DPF3: variants seen among roughly 807,000 people sequenced by gnomAD.
DPF3 encodes the protein double PHD fingers 3, also known as zinc finger protein DPF3.
Under a neutral mutation model 56.8 loss-of-function variants are expected in DPF3, and 18 were observed. The ratio of observed to expected loss-of-function variants is 0.32; its 90% CI spans 0.22 to 0.47. The LOEUF is 0.47. Ranked by LOEUF, DPF3 falls within the 20% of genes least tolerant of loss-of-function variation. The pLI, the probability that DPF3 is intolerant of heterozygous loss-of-function variation, is 1.00. For missense variants in DPF3, 403 were observed against 488.8 expected, an observed-to-expected ratio of 0.82 and a Z score of 1.65; for synonymous variants, 188 against 180.2, an observed-to-expected ratio of 1.04 and a Z score of -0.35.
intron 1 of DPF3, among the ~76,000 whole-genome samples, chr14:72,889,546 A>C (rs1235516964): frequency 6.6e-6 from 1 of 152,032 alleles, no homozygotes; most frequent in Non-Finnish European, 1.5e-5. Context: ...CATCCCCCCA[A>C]CCTCGACAGA....
rs1378757936 is a variant in DPF3 at position 72,847,598 on chromosome 14, G to A, written c.32+46459C>T. On this transcript the variant is annotated intron_variant, in intron 1 of 10. Coordinates refer to ENST00000556509, the MANE Select transcript of DPF3 (RefSeq NM_001280542.3). ...TCAATCTGGGCTCACTACAACCTCC[G>A]CCTCCCAGGTTTAAGTGATTCTCCC... Among the ~76,000 whole-genome samples, 7 of 151,746 alleles carry A rather than the reference G, an allele frequency of 4.6e-5. No homozygotes were observed. In the East Asian group the frequency reaches 5.8e-4, roughly 13 times the overall value.
chr14:72,617,981 G>T lies in DPF3; in HGVS notation c.*1316C>A, dbSNP rs1291628901. On this transcript the variant is annotated 3_prime_UTR_variant, in exon 11 of 11. Transcript: ENST00000556509. The stretch of plus-strand genomic sequence containing the variant: ...CTGCGATTCAAAGTCAGCCCAATCC[G>T]CTCCAGCCCTCGGGGCTATCTTCCA... Among the ~76,000 whole-genome samples the T allele has an allele frequency of 1.3e-5, 2 of 151,974 alleles. No homozygotes were observed. The highest frequency in any genetic ancestry group is 3.9e-4 in the East Asian group (2 of 5,140).
chr14:72,706,754 C>T (rs545422541), intron 6 of DPF3, among the ~76,000 whole-genome samples: 12 of 152,162 alleles, frequency 7.9e-5, no homozygotes, highest in African/African-American at 2.7e-4. Flanking sequence ...TGCAGCCTCA[C>T]AACTGTACTT....
chr14:72,893,043 G>A (rs1203521092), intron 1 of DPF3, among the ~76,000 whole-genome samples: 1 of 152,064 alleles, frequency 6.6e-6, no homozygotes, highest in Non-Finnish European at 1.5e-5. Context: ...GAGGAGGAAG[G>A]CAGGCAGGCA....
chr14:72,611,101 C>T lies in DPF3; in HGVS notation c.*8196G>A, dbSNP rs561565102. Among the ~76,000 whole-genome samples the T allele has an allele frequency of 2.0e-5, 3 of 152,202 alleles. No homozygotes were observed. The highest frequency in any genetic ancestry group is 4.8e-5 in the African/African-American group (2 of 41,454). ...TGTGCCATCCAGGGCCCCAGAGGAG[C>T]CTTCCCTTGGGCCACCCCCCACAGA... On this transcript the variant is annotated 3_prime_UTR_variant, in exon 11 of 11. Coordinates refer to ENST00000556509, the MANE Select transcript of DPF3 (RefSeq NM_001280542.3).
intron 1 of DPF3, among the ~76,000 whole-genome samples, chr14:72,834,001 G>A (rs915774159): frequency 4.6e-5 from 7 of 151,968 alleles, no homozygotes; most frequent in Non-Finnish European, 8.8e-5. Flanking sequence ...GGCTAACATG[G>A]TGAAACTCCT....
chr14:72,786,114 T>A (rs917555246), intron 1 of DPF3, among the ~76,000 whole-genome samples: 1 of 151,948 alleles, frequency 6.6e-6, no homozygotes, highest in African/African-American at 2.4e-5. Flanking sequence ...ATACAAAAAA[T>A]TAGCCAGGCA....
intron 1 of DPF3, among the ~76,000 whole-genome samples, chr14:72,801,613 G>A (rs1015662819): frequency 1.3e-5 from 2 of 152,184 alleles, no homozygotes; most frequent in Admixed American, 6.5e-5. Context: ...AAAGTTCTGA[G>A]TGGAAGAATT....
intron 1 of DPF3, among the ~76,000 whole-genome samples, chr14:72,828,996 C>T (rs531863689): frequency 2.6e-5 from 4 of 152,222 alleles, no homozygotes; most frequent in African/African-American, 9.6e-5. Flanking sequence ...CTTGAGGGGC[C>T]CTCGTCCAAT....
At chr14:72,892,247 G>A (rs1392345171) in intron 1 of DPF3, 2 of 1,535,538 alleles carry the variant, frequency 1.3e-6, no homozygotes, top group Non-Finnish European at 1.7e-6. Context: ...AAAATCAGTT[G>A]TGGGTTCGGT....
chr14:72,708,588 C>A (rs559023137), intron 6 of DPF3, among the ~76,000 whole-genome samples: 1 of 152,258 alleles, frequency 6.6e-6, no homozygotes, highest in Non-Finnish European at 1.5e-5. Context: ...TTAATGCCCT[C>A]AAAAAAATTT....
At chr14:72,867,566 AG>A (rs1489538168) in intron 1 of DPF3, among the ~76,000 whole-genome samples, 1 of 152,116 alleles carries the variant, frequency 6.6e-6, no homozygotes, top group Non-Finnish European at 1.5e-5. Flanking sequence ...TTCTCCTCTA[AG>A]GTGTTTCATT....
At chr14:72,672,052 C>G (rs866045278) in intron 8 of DPF3, among the ~76,000 whole-genome samples, 2 of 119,050 alleles carry the variant, frequency 1.7e-5, no homozygotes, top group African/African-American at 3.4e-5. Context: ...CACACACACA[C>G]ACACACAGAC....
chr14:72,731,687 C>A, intron 4 of DPF3, 120 bp downstream of exon 4: 1 of 1,358,862 alleles, frequency 7.4e-7, no homozygotes, highest in Non-Finnish European at 1.0e-6. Context: ...AGAAACAAGG[C>A]AGTCTGAGAC....
intron 2 of DPF3, among the ~76,000 whole-genome samples, chr14:72,754,265 GAGACTGGCTAGGTAATTTTC>G (rs1416432281): frequency 1.3e-5 from 2 of 152,182 alleles, no homozygotes; most frequent in African/African-American, 2.4e-5. Flanking sequence ...GCAGGTATTT[GAGACTGGCTAGGTAATTTTC>G]AGACTGGCTA....
intron 4 of DPF3, among the ~76,000 whole-genome samples, chr14:72,727,238 G>T (rs1284519512): frequency 6.6e-6 from 1 of 152,158 alleles, no homozygotes; most frequent in Non-Finnish European, 1.5e-5. Flanking sequence ...TCTTCCCCAG[G>T]ACCATCACTT....
At chr14:72,762,370 T>C (rs1228220562) in intron 2 of DPF3, among the ~76,000 whole-genome samples, 3 of 152,042 alleles carry the variant, frequency 2.0e-5, no homozygotes, top group South Asian at 4.1e-4. Flanking sequence ...AGGAATGTAA[T>C]GTTGGTTTAA....
At chr14:72,864,562 T>C (rs1345389230) in intron 1 of DPF3, among the ~76,000 whole-genome samples, 2 of 152,238 alleles carry the variant, frequency 1.3e-5, no homozygotes, top group Non-Finnish European at 2.9e-5. Flanking sequence ...GTTGTTTATT[T>C]CTTCCCCTCC....
At chr14:72,645,427 T>TC (rs1345441630) in intron 8 of DPF3, among the ~76,000 whole-genome samples, 1 of 151,850 alleles carries the variant, frequency 6.6e-6, no homozygotes, top group Non-Finnish European at 1.5e-5. Flanking sequence ...AGCATCCACG[T>TC]CCCCCTACCT....
Sources: allele counts gnomAD v4.1 joint callset (sites outside exome capture counted in the v4.1 genomes callset), GRCh38; gene constraint gnomAD v4.1.1; transcripts MANE v1.5; gene names NCBI Gene and HGNC (gene_info 2026-07-23, HGNC 2026-07-21).